The following ALG8 variants were observed in gnomAD, a reference collection of about 807,000 sequenced individuals.
The protein encoded by ALG8 is ALG8 alpha-1,3-glucosyltransferase.
A neutral mutation model predicts 70.2 loss-of-function variants in ALG8; 48 were observed. The ratio of observed to expected loss-of-function variants is 0.68; its 90% CI spans 0.54 to 0.87. ALG8 has a LOEUF of 0.87. ALG8 is among the 40% of genes least tolerant of loss of function. The probability of loss-of-function intolerance (pLI) is 0.00; values close to 1 mark genes in which losing one functional copy is unlikely to be tolerated. For synonymous variants in ALG8, 234 were observed against 229.0 expected (o/e 1.02, Z -0.20); for missense variants, 572 against 608.7 (o/e 0.94, Z 0.64).
At chr11:78,139,438 G>A in intron 1 of ALG8, 56 bp downstream of exon 1, 2 of 1,524,654 alleles carry the variant, frequency 1.3e-6, no homozygotes, top group Non-Finnish European at 1.8e-6. Context: ...TTTCTCTCCC[G>A]CCCTGACCGA....
At chr11:78,134,678 C>A (rs1207646124) in intron 1 of ALG8, among the ~76,000 whole-genome samples, 6 of 152,180 alleles carry the variant, frequency 3.9e-5, no homozygotes, top group Non-Finnish European at 7.3e-5. Context: ...TCTTCATTAG[C>A]AGAGTGCATC....
intron 1 of ALG8, chr11:78,138,922 G>T (rs1414566555): frequency 2.5e-6 from 1 of 395,422 alleles, no homozygotes; most frequent in Non-Finnish European, 5.0e-6. Flanking sequence ...CTTCTTTCCT[G>T]CCACAGGGCC....
intron 5 of ALG8, among the ~76,000 whole-genome samples, chr11:78,115,128 G>T (rs539781721): frequency 4.2e-4 from 64 of 152,258 alleles, no homozygotes; most frequent in Middle Eastern, 3.4e-3. Flanking sequence ...CGCCTCCTCG[G>T]TTCAAGCAAT....
Position 78,139,147 on chromosome 11 carries a change from G to C in ALG8, c.95+347C>G, listed in dbSNP as rs891015137. On this transcript the variant is annotated intron_variant, in intron 1 of 12. Transcript: ENST00000299626. ...GACCAGCAATGTCTTGCTCACCACC[G>C]CATCTCCCGGGAGTTAGAACGGTAC... 5.4e-4 allele frequency: 204 copies of C among 377,850 alleles called. 1 individual carries two copies. The highest frequency in any genetic ancestry group is 4.8e-3 in the South Asian group (201 of 42,146). The allele number at this position is 377,850 out of a possible 1,614,324, so 23.4% of individuals were successfully genotyped here.
At chr11:78,127,209 C>T (rs2136932600) in intron 2 of ALG8, 149 bp downstream of exon 2, 1 of 662,474 alleles carries the variant, frequency 1.5e-6, no homozygotes, top group Non-Finnish European at 2.6e-6. Flanking sequence ...CAACCCCTGA[C>T]CTCATGATCT....
intron 3 of ALG8, 64 bp from the exon 4 acceptor site, chr11:78,121,238 C>T: frequency 1.8e-6 from 2 of 1,121,816 alleles, no homozygotes; most frequent in South Asian, 1.2e-5. Context: ...ATCACTTCTG[C>T]AGAGTAAACT....
rs117526849 is a variant in ALG8, at chr11:78,106,185, A to G, written c.1178+622T>C. Among the ~76,000 whole-genome samples, 19 of 152,156 alleles carry G rather than the reference A, an allele frequency of 1.2e-4. 1 individual carries two copies. The East Asian group carries it at 3.7e-3, about 29-fold the overall frequency. On this transcript the variant is annotated intron_variant, in intron 10 of 12. Coordinates refer to ENST00000299626, the MANE Select transcript of ALG8 (RefSeq NM_024079.5). Reference sequence around the variant, plus strand: ...CCTTATTTTCAGACGGGATGACACCAAAGCCCAAGTTTTTTCTTTTTTTCA... The same window carrying G: ...CCTTATTTTCAGACGGGATGACACCGAAGCCCAAGTTTTTTCTTTTTTTCA...
At position 78,112,631 on chromosome 11, in the gene ALG8, A is replaced by T; in HGVS notation, c.898+19T>A. 2 of 1,613,066 alleles carry T rather than the reference A, an allele frequency of 1.2e-6. No individual in the cohort carries two copies. Among genetic ancestry groups the T allele is most frequent in the Non-Finnish European group, 1.7e-6 (2 of 1,179,308 alleles). The stretch of plus-strand genomic sequence containing the variant: ...CTTTCAATATTCAGAGTCTGAGTAA[A>T]AAATGCTCGCTACCATACCGATGAC... On this transcript the variant is annotated intron_variant, in intron 8 of 12. Transcript: ENST00000299626.
At chr11:78,133,685 G>C (rs1861408509) in intron 1 of ALG8, among the ~76,000 whole-genome samples, 1 of 152,116 alleles carries the variant, frequency 6.6e-6, no homozygotes, top group South Asian at 2.1e-4. Flanking sequence ...CGGATCACGA[G>C]GTCAGGAGAT....
intron 8 of ALG8, chr11:78,112,348 T>C: frequency 5.7e-6 from 2 of 353,884 alleles, no homozygotes; most frequent in South Asian, 2.3e-5. Context: ...CTGCTGCTGC[T>C]GAATAGTTTT....
intron 1 of ALG8, among the ~76,000 whole-genome samples, chr11:78,128,910 G>A (rs1380059839): frequency 6.6e-6 from 1 of 151,564 alleles, no homozygotes; most frequent in African/African-American, 2.4e-5. Context: ...CACCATGCCT[G>A]GCCTACTCCC....
chr11:78,129,494 C>A (rs189949574), intron 1 of ALG8, among the ~76,000 whole-genome samples: 136 of 152,064 alleles, frequency 8.9e-4, no homozygotes, highest in African/African-American at 3.2e-3. Context: ...CCACAAACAG[C>A]AGAATAGCTA....
In ALG8 at chr11:78,106,883, G is replaced by C; in HGVS notation, c.1102C>G (p.Leu368Val). 1 of 1,614,126 alleles carries C rather than the reference G, an allele frequency of 6.2e-7. No individual in the cohort carries two copies. Among genetic ancestry groups the C allele is most frequent in the Non-Finnish European group, 8.5e-7 (1 of 1,180,004 alleles). ...GPRGFLRCLTLCALSSFMFGW... is the reference protein window; with the variant it reads ...GPRGFLRCLTVCALSSFMFGW... Reference sequence around the variant, plus strand: ...AACATAAAGGAGCTCAAGGCACAAAGAGTTAGACATCGGAGAAAGCCTCTG... The same window carrying C: ...AACATAAAGGAGCTCAAGGCACAAACAGTTAGACATCGGAGAAAGCCTCTG... The change falls in exon 10 of 13, where the codon CTT (leucine) becomes GTT (valine). Residue 368 changes from leucine to valine, a missense_variant. Leu to Val is a conservative substitution (Grantham distance 32). Transcript: ENST00000299626.
At chr11:78,127,065 C>T (rs889592822) in intron 2 of ALG8, among the ~76,000 whole-genome samples, 1 of 150,830 alleles carries the variant, frequency 6.6e-6, no homozygotes, top group African/African-American at 2.5e-5. Flanking sequence ...CTGCAACCTC[C>T]GCCTCCCAGG....
chr11:78,133,115 G>A lies in ALG8; in HGVS notation c.96-5679C>T, dbSNP rs145504370. Reference sequence around the variant, plus strand: ...CTCCCAAAGTGCTGGGATTACAGGCGTGAGCCACCACACCCAGCCTCTTCT... The same window carrying A: ...CTCCCAAAGTGCTGGGATTACAGGCATGAGCCACCACACCCAGCCTCTTCT... On this transcript the variant is annotated intron_variant, in intron 1 of 12. Transcript: ENST00000299626. 7.8e-4 allele frequency among the ~76,000 whole-genome samples: 119 copies of A among 152,270 alleles called. 1 individual carries two copies. The East Asian group carries it at 9.5e-3, about 12-fold the overall frequency.
chr11:78,129,419 CAA>C (rs55640013), intron 1 of ALG8, among the ~76,000 whole-genome samples: 89,369 of 141,144 alleles, frequency 0.63, 28,179 homozygotes, highest in Non-Finnish European at 0.69. Flanking sequence ...GACTCCGTCT[CAA>C]AAAAAAAAAA....
chr11:78,137,191 T>A (rs61900250), intron 1 of ALG8: 1 of 152,250 alleles, frequency 6.6e-6, no homozygotes, highest in African/African-American at 2.4e-5. Flanking sequence ...TGGCTTCTTT[T>A]CTTAAAAGAA....
intron 1 of ALG8, 198 bp downstream of exon 1, chr11:78,139,296 C>G: frequency 1.6e-6 from 1 of 614,276 alleles, no homozygotes; most frequent in Non-Finnish European, 2.9e-6. Context: ...CCAAATCAGA[C>G]AGCGCCAGGT....
rs563013 is a variant in ALG8 at position 78,112,998 on chromosome 11, C to A, written c.778-228G>T. On this transcript the variant is annotated intron_variant, in intron 7 of 12. Transcript: ENST00000299626. ...TATACATAAAAATACTCTGAATACC[C>A]GTCCATACTATTATAATAACAGAAG... 0.22 allele frequency among the ~76,000 whole-genome samples: 33,127 copies of A among 151,982 alleles called. 4,471 individuals carry two copies. The highest frequency in any genetic ancestry group is 0.38 in the African/African-American group (15,784 of 41,436).
Sources: gnomAD v4.1 joint callset for allele counts (sites outside exome capture counted in the v4.1 genomes callset) on GRCh38, gnomAD v4.1.1 for gene constraint, MANE v1.5 for transcripts, NCBI Gene and HGNC (gene_info 2026-07-23, HGNC 2026-07-21) for gene names.